The following ACACA variants were observed in gnomAD, a reference collection of about 807,000 sequenced individuals.
ACACA encodes acetyl-CoA carboxylase alpha.
ACACA carries 103 observed loss-of-function variants against 296.1 expected under a neutral mutation model. The observed-to-expected ratio is 0.35, with a 90% confidence interval of 0.30 to 0.41. The LOEUF (loss-of-function observed/expected upper bound fraction) is 0.41, where lower values mean the gene tolerates loss of function less well. Ranked by LOEUF, ACACA falls within the 10% of genes least tolerant of loss-of-function variation. ACACA has a pLI of 1.00. For missense variants in ACACA, 1,554 were observed against 2,989.7 expected (o/e 0.52, Z 11.20); for synonymous variants, 953 against 1,038.6 (o/e 0.92, Z 1.58).
chr17:37,223,730 C>T lies in ACACA; in HGVS notation c.3475-129G>A, dbSNP rs200451645. The T allele has an allele frequency of 6.0e-5, 43 of 713,862 alleles. No homozygotes were observed. In the East Asian group the frequency reaches 1.1e-3, roughly 18 times the overall value. 44.2% of individuals were successfully genotyped at this position (713,862 alleles called of 1,614,324 possible). On this transcript the variant is annotated intron_variant, in intron 27 of 55. Coordinates refer to ENST00000616317, the MANE Select transcript of ACACA (RefSeq NM_198834.3). ...CTCTGAATGCCATAATCTCTCTGTG[C>T]CTCAGCTTCCTGAGCTACAAAATGG...
chr17:37,246,024 C>T (rs1443435014), intron 19 of ACACA, among the ~76,000 whole-genome samples: 4 of 152,292 alleles, frequency 2.6e-5, no homozygotes, highest in Non-Finnish European at 2.9e-5. Flanking sequence ...TTTGTACATG[C>T]TATTCCTTCA....
chr17:37,277,181 T>C (rs898637146), intron 6 of ACACA, 67 bp from the exon 7 acceptor site: 15 of 1,415,780 alleles, frequency 1.1e-5, no homozygotes, highest in African/African-American at 1.4e-5. Flanking sequence ...TGCAAGAGTC[T>C]CTATCCAGGC....
chr17:37,156,821 A>G (rs1244441397), intron 42 of ACACA, among the ~76,000 whole-genome samples: 2 of 152,258 alleles, frequency 1.3e-5, no homozygotes, highest in Non-Finnish European at 2.9e-5. Context: ...CATTTAACTC[A>G]ATAAATGTAT....
rs547198381 is a variant in ACACA at position 37,087,564 on chromosome 17, C to CTTAT, written c.7029-129_7029-126dup. On this transcript the variant is annotated intron_variant, in intron 55 of 55. Coordinates refer to ENST00000616317, the MANE Select transcript of ACACA (RefSeq NM_198834.3). The stretch of plus-strand genomic sequence containing the variant: ...TGCAGACATTTTAGTCACGCCTCAC[C>CTTAT]TTATTTGTTTCCCTATATTACAAAT... The CTTAT allele has an allele frequency of 2.8e-5, 33 of 1,174,274 alleles. No homozygotes were observed. In the African/African-American group the frequency reaches 4.6e-4, roughly 16 times the overall value. 72.7% of individuals were successfully genotyped at this position (1,174,274 alleles called of 1,614,324 possible).
chr17:37,314,157 C>T (rs1174065653), intron 3 of ACACA, among the ~76,000 whole-genome samples: 2 of 144,236 alleles, frequency 1.4e-5, no homozygotes, highest in African/African-American at 5.3e-5. Context: ...GGCTGGAGTG[C>T]AGTGGCGAAA....
chr17:37,388,831 C>T (rs754800359), intron 1 of ACACA: 46 of 1,608,098 alleles, frequency 2.9e-5, no homozygotes, highest in South Asian at 2.4e-4. Context: ...TGAACTTGAC[C>T]CATAAAGACT....
At chr17:37,230,399 T>A (rs1287104316) in intron 25 of ACACA, among the ~76,000 whole-genome samples, 1 of 144,454 alleles carries the variant, frequency 6.9e-6, no homozygotes, top group African/African-American at 2.7e-5. Flanking sequence ...AATAAATAAA[T>A]AAATAAATAA....
At chr17:37,236,397 T>C (rs2080112603) in intron 24 of ACACA, among the ~76,000 whole-genome samples, 1 of 151,712 alleles carries the variant, frequency 6.6e-6, no homozygotes, top group East Asian at 1.9e-4. Flanking sequence ...ACTTTGGCAA[T>C]AGGACCAGGG....
At position 37,384,076 on chromosome 17, in the gene ACACA, C is replaced by T. The variant is rs149999524; in HGVS notation, c.38+22186G>A. 5.2e-3 allele frequency among the ~76,000 whole-genome samples: 790 copies of T among 152,204 alleles called. 5 individuals are homozygous for T. Among genetic ancestry groups the T allele is most frequent in the African/African-American group, 0.016 (676 of 41,526 alleles). Reference sequence around the variant, plus strand: ...GTCAGGAATTCGAGACCAGCCTGGCCAACATAGTGAAACCCCGTCTCTACT... The same window carrying T: ...GTCAGGAATTCGAGACCAGCCTGGCTAACATAGTGAAACCCCGTCTCTACT... On this transcript the variant is annotated intron_variant, in intron 1 of 55. Transcript: ENST00000616317.
At chr17:37,213,038 C>T (rs1234838135) in intron 29 of ACACA, among the ~76,000 whole-genome samples, 5 of 151,926 alleles carry the variant, frequency 3.3e-5, no homozygotes, top group Non-Finnish European at 7.4e-5. Flanking sequence ...TCAAATTAGG[C>T]CGGGCGCAGT....
At chr17:37,389,320 A>T (rs951552971) in intron 1 of ACACA, 9 of 1,595,900 alleles carry the variant, frequency 5.6e-6, no homozygotes, top group Non-Finnish European at 7.7e-6. Context: ...GAGGCCAGCC[A>T]CCTGGGACAG....
chr17:37,361,040 C>CTT (rs11442383), intron 1 of ACACA, among the ~76,000 whole-genome samples: 42 of 137,146 alleles, frequency 3.1e-4, no homozygotes, highest in African/African-American at 7.3e-4. Context: ...CCCCAGGATT[C>CTT]TTTTTTTTTT....
intron 1 of ACACA, among the ~76,000 whole-genome samples, chr17:37,374,514 C>T (rs145237739): frequency 0.017 from 2,540 of 152,052 alleles, 54 homozygotes; most frequent in African/African-American, 0.058. Context: ...CTCGAACTCC[C>T]GACCTCAGGT....
chr17:37,391,283 T>C (rs192650475), intron 1 of ACACA, among the ~76,000 whole-genome samples: 6 of 152,286 alleles, frequency 3.9e-5, no homozygotes, highest in South Asian at 4.1e-4. Context: ...CATTATCTCA[T>C]TTGAGCCTTA....
At position 37,241,419 on chromosome 17, in the gene ACACA, G is replaced by C. The variant is rs1228781948; in HGVS notation, c.3032+534C>G. Among the ~76,000 whole-genome samples, 3 of 152,050 alleles carry C rather than the reference G, an allele frequency of 2.0e-5. No individual in the cohort carries two copies. In the East Asian group the frequency reaches 5.8e-4, roughly 29 times the overall value. On this transcript the variant is annotated intron_variant, in intron 23 of 55. Coordinates refer to ENST00000616317, the MANE Select transcript of ACACA (RefSeq NM_198834.3). ...ACAAAATTTCTGTGCCTTATTAATT[G>C]ACAGGCTGGACGCAGTGGCTCATGC...
chr17:37,353,259 T>C (rs753448128), intron 1 of ACACA, among the ~76,000 whole-genome samples: 4 of 152,142 alleles, frequency 2.6e-5, no homozygotes, highest in Non-Finnish European at 5.9e-5. Flanking sequence ...TAAAAACTAA[T>C]CAAGCTCCTA....
intron 29 of ACACA, among the ~76,000 whole-genome samples, chr17:37,219,936 T>C (rs879843298): frequency 3.3e-5 from 5 of 152,034 alleles, no homozygotes; most frequent in Non-Finnish European, 7.4e-5. Context: ...CCTTTTTATT[T>C]TGCAATTATC....
At chr17:37,094,493 G>C (rs141713501) in intron 54 of ACACA, among the ~76,000 whole-genome samples, 1 of 151,720 alleles carries the variant, frequency 6.6e-6, no homozygotes, top group African/African-American at 2.4e-5. Flanking sequence ...ACTTCCTGGT[G>C]CAAAGCCAGG....
intron 29 of ACACA, among the ~76,000 whole-genome samples, chr17:37,214,263 T>A (rs2078885987): frequency 6.6e-6 from 1 of 152,164 alleles, no homozygotes; most frequent in Non-Finnish European, 1.5e-5. Context: ...GTAAAACACA[T>A]CTGAACCACG....
Sources: gnomAD v4.1 joint callset for allele counts (sites outside exome capture counted in the v4.1 genomes callset) on GRCh38, gnomAD v4.1.1 for gene constraint, MANE v1.5 for transcripts, NCBI Gene and HGNC (gene_info 2026-07-23, HGNC 2026-07-21) for gene names.